The following DCC variants were observed in gnomAD, a reference collection of about 807,000 sequenced individuals.
DCC encodes DCC netrin 1 receptor, also known as netrin receptor DCC.
Under a neutral mutation model 172.5 loss-of-function variants are expected in DCC, and 58 were observed. That is an observed-to-expected ratio of 0.34 (90% CI 0.27 to 0.42). The LOEUF (loss-of-function observed/expected upper bound fraction) is 0.42. Among genes scored for constraint, DCC ranks in the 10% least tolerant of loss-of-function variants. DCC has a pLI of 1.00. For synonymous variants in DCC, 709 were observed against 644.5 expected (o/e 1.10, Z -1.52); for missense variants, 1,740 against 1,791.0 (o/e 0.97, Z 0.51).
intron 2 of DCC, among the ~76,000 whole-genome samples, chr18:52,770,361 G>T (rs1171631570): frequency 1.3e-4 from 20 of 152,118 alleles, no homozygotes; most frequent in Admixed American, 1.2e-3. Flanking sequence ...AAGCTGTTTT[G>T]CTGTTTCTTT....
intron 14 of DCC, among the ~76,000 whole-genome samples, chr18:53,327,535 A>G (rs1438799084): frequency 6.6e-6 from 1 of 152,152 alleles, no homozygotes; most frequent in East Asian, 1.9e-4. Flanking sequence ...CTCTACCCTG[A>G]AGTGGAGGAG....
intron 25 of DCC, among the ~76,000 whole-genome samples, chr18:53,474,760 G>A (rs775663493): frequency 2.6e-5 from 4 of 152,116 alleles, no homozygotes; most frequent in East Asian, 1.9e-4. Context: ...AATTTGTTCT[G>A]GGAGTGGGGC....
intron 1 of DCC, among the ~76,000 whole-genome samples, chr18:52,740,328 C>T (rs2036800332): frequency 6.6e-6 from 1 of 152,168 alleles, no homozygotes; most frequent in Non-Finnish European, 1.5e-5. Context: ...TTTCTGTTAT[C>T]ACTGTGGGTT....
intron 1 of DCC, among the ~76,000 whole-genome samples, chr18:52,428,081 C>A (rs1987501611): frequency 6.6e-6 from 1 of 152,004 alleles, no homozygotes; most frequent in Admixed American, 6.6e-5. Flanking sequence ...CCTTATCAAT[C>A]TCTTTAAAAA....
chr18:52,367,279 G>C (rs1334242335), intron 1 of DCC, among the ~76,000 whole-genome samples: 1 of 152,162 alleles, frequency 6.6e-6, no homozygotes, highest in East Asian at 1.9e-4. Context: ...TCCCGCTCGC[G>C]CCTCTCCCTC....
chr18:53,061,328 C>T (rs1171916187), intron 5 of DCC, among the ~76,000 whole-genome samples: 1 of 152,032 alleles, frequency 6.6e-6, no homozygotes, highest in African/African-American at 2.4e-5. Flanking sequence ...TATTCCTACT[C>T]TCTCTTTCTC....
Position 52,615,962 on chromosome 18 carries a change from T to TTA in DCC, c.92-136082_92-136081dup, listed in dbSNP as rs1477680086. Among the ~76,000 whole-genome samples the TTA allele has an allele frequency of 6.6e-5, 10 of 152,130 alleles. No homozygotes were observed. The East Asian group carries it at 7.7e-4, about 12-fold the overall frequency. On this transcript the variant is annotated intron_variant, in intron 1 of 28. Coordinates refer to ENST00000442544, the MANE Select transcript of DCC (RefSeq NM_005215.4). Reference sequence around the variant, plus strand: ...GAATAAAATGCATAAAGGTGAGATTTTATATATATATGAATGAATGAATAA... The same window carrying TTA: ...GAATAAAATGCATAAAGGTGAGATTTTATATATATATATGAATGAATGAATAA...
chr18:53,202,725 A>T (rs1317037994), intron 9 of DCC, among the ~76,000 whole-genome samples: 1 of 152,186 alleles, frequency 6.6e-6, no homozygotes, highest in African/African-American at 2.4e-5. Context: ...TTCTGGAATC[A>T]TAAATGAGGC....
At chr18:53,056,756 C>T (rs2042409906) in intron 5 of DCC, among the ~76,000 whole-genome samples, 1 of 152,066 alleles carries the variant, frequency 6.6e-6, no homozygotes, top group Admixed American at 6.6e-5. Context: ...GGCAGAATCA[C>T]AGCCACTCAA....
intron 7 of DCC, among the ~76,000 whole-genome samples, chr18:53,152,303 G>A (rs558657930): frequency 4.8e-4 from 73 of 152,086 alleles, no homozygotes; most frequent in Admixed American, 7.9e-4. Flanking sequence ...AGGGAATGAA[G>A]GTAGTGGACT....
At chr18:52,692,712 G>A (rs564209345) in intron 1 of DCC, among the ~76,000 whole-genome samples, 11 of 152,180 alleles carry the variant, frequency 7.2e-5, no homozygotes, top group Admixed American at 2.6e-4. Context: ...GATTAGCAGC[G>A]TGAGCCACCA....
At chr18:52,491,608 T>C (rs934143113) in intron 1 of DCC, among the ~76,000 whole-genome samples, 1 of 152,108 alleles carries the variant, frequency 6.6e-6, no homozygotes, top group African/African-American at 2.4e-5. Context: ...GGCATTTCAA[T>C]AGTGCTGGTG....
rs2046550450 is a variant in DCC, at chr18:53,534,165, CA to C, written c.*3516del. ...TATAGCAGCTGGACTGTAATTACAA[CA>C]AAAGGTTACCTCTAAAGATAACATC... On this transcript the variant is annotated 3_prime_UTR_variant, in exon 29 of 29. Coordinates refer to ENST00000442544, the MANE Select transcript of DCC (RefSeq NM_005215.4). 6.6e-6 allele frequency: 1 copy of C among 152,024 alleles called. No individual in the cohort carries two copies. Among genetic ancestry groups the C allele is most frequent in the South Asian group, 2.1e-4 (1 of 4,812 alleles). The allele number at this position is 152,024 out of a possible 1,614,324, so 9.4% of individuals were successfully genotyped here.
chr18:53,273,897 C>T (rs1228955789), intron 12 of DCC, among the ~76,000 whole-genome samples: 1 of 152,052 alleles, frequency 6.6e-6, no homozygotes, highest in East Asian at 1.9e-4. Flanking sequence ...ACTCCACAGC[C>T]ATGTAGAAGC....
chr18:52,810,028 C>T (rs1371535953), intron 2 of DCC, among the ~76,000 whole-genome samples: 1 of 151,964 alleles, frequency 6.6e-6, no homozygotes, highest in Middle Eastern at 3.2e-3. Flanking sequence ...CCTAGGAAAT[C>T]CAGCTAGTCC....
chr18:52,529,402 T>A (rs571582192), intron 1 of DCC, among the ~76,000 whole-genome samples: 3 of 152,284 alleles, frequency 2.0e-5, no homozygotes, highest in African/African-American at 7.2e-5. Flanking sequence ...GCCATTCTCC[T>A]GCCTCAGCCT....
At chr18:52,662,569 GGGAA>G (rs34385838) in intron 1 of DCC, among the ~76,000 whole-genome samples, 39,724 of 114,700 alleles carry the variant, frequency 0.35, 7,594 homozygotes, top group Non-Finnish European at 0.39. Context: ...GAGGGAGGGA[GGGAA>G]GGAAGGAAGG....
intron 2 of DCC, among the ~76,000 whole-genome samples, chr18:52,776,154 CA>C (rs2037428497): frequency 6.6e-6 from 1 of 151,758 alleles, no homozygotes; most frequent in Non-Finnish European, 1.5e-5. Context: ...CAGAGAAAGG[CA>C]AAAGTGAACA....
At chr18:52,904,953 T>C (rs1055307184) in intron 2 of DCC, among the ~76,000 whole-genome samples, 2 of 152,184 alleles carry the variant, frequency 1.3e-5, no homozygotes, top group African/African-American at 2.4e-5. Flanking sequence ...TTCTTTGTAA[T>C]AATTTAAAAA....
Sources: gnomAD v4.1 joint callset for allele counts (sites outside exome capture counted in the v4.1 genomes callset) on GRCh38, gnomAD v4.1.1 for gene constraint, MANE v1.5 for transcripts, NCBI Gene and HGNC (gene_info 2026-07-23, HGNC 2026-07-21) for gene names.